Variants in B4GALNT3 observed in about 807,000 individuals in gnomAD.
B4GALNT3 encodes beta-1,4-N-acetylgalactosaminyltransferase 3.
Under a neutral mutation model 120.2 loss-of-function variants are expected in B4GALNT3, and 86 were observed. That is an observed-to-expected ratio of 0.72 (90% CI 0.60 to 0.86). B4GALNT3 has a LOEUF of 0.86. B4GALNT3 is among the 40% of genes least tolerant of loss of function. The pLI, the probability that B4GALNT3 is intolerant of heterozygous loss-of-function variation, is 0.00. For synonymous variants in B4GALNT3, 518 were observed against 510.4 expected, an observed-to-expected ratio of 1.01 and a Z score of -0.20; for missense variants, 1,167 against 1,298.9, an observed-to-expected ratio of 0.90 and a Z score of 1.56.
At chr12:537,887 G>A (rs1946877516) in intron 3 of B4GALNT3, among the ~76,000 whole-genome samples, 1 of 152,138 alleles carries the variant, frequency 6.6e-6, no homozygotes, top group Non-Finnish European at 1.5e-5. Flanking sequence ...AGGAGTGAAG[G>A]AGGCAGTATT....
chr12:550,163 G>T lies in B4GALNT3; in HGVS notation c.997+251G>T. Among the ~76,000 whole-genome samples, 1 of 152,200 alleles carries T rather than the reference G, an allele frequency of 6.6e-6. No individual in the cohort carries two copies. The highest frequency in any genetic ancestry group is 1.9e-4 in the East Asian group (1 of 5,204). On this transcript the variant is annotated intron_variant, in intron 10 of 19. Transcript: ENST00000266383. This position sits in a 1 kb window ranked among gnomAD's most constrained non-coding sequence, Gnocchi z 4.1. ...TTTGTGGAACCACCACCCACAACAAGAAATAGAGTTAGAACCCGGAAGTCC... is the reference window on the plus strand; with the variant it reads ...TTTGTGGAACCACCACCCACAACAATAAATAGAGTTAGAACCCGGAAGTCC...
intron 1 of B4GALNT3, among the ~76,000 whole-genome samples, chr12:481,283 T>C (rs215224): frequency 0.36 from 54,428 of 152,114 alleles, 10,296 homozygotes; most frequent in Middle Eastern, 0.48. Flanking sequence ...ATGGGAATAA[T>C]GGCCCTGACC....
chr12:487,662 G>A (rs940335746), intron 1 of B4GALNT3, among the ~76,000 whole-genome samples: 6 of 150,680 alleles, frequency 4.0e-5, no homozygotes, highest in Non-Finnish European at 7.4e-5. Flanking sequence ...GCAGTGAGCC[G>A]AGATCGTGCC....
At chr12:493,257 G>A (rs1419193665) in intron 1 of B4GALNT3, among the ~76,000 whole-genome samples, 1 of 152,214 alleles carries the variant, frequency 6.6e-6, no homozygotes, top group Non-Finnish European at 1.5e-5. Flanking sequence ...AATGGGCAAA[G>A]CACCTGAACA....
intron 9 of B4GALNT3, among the ~76,000 whole-genome samples, chr12:549,456 C>A (rs544366557): frequency 6.6e-6 from 1 of 152,352 alleles, no homozygotes; most frequent in African/African-American, 2.4e-5. Flanking sequence ...TGTAAGCGTT[C>A]AATAAATTAG....
intron 7 of B4GALNT3, 76 bp from the exon 8 acceptor site, chr12:547,938 TAAGGTGCTGG>T (rs1555158700): frequency 8.8e-7 from 1 of 1,130,016 alleles, no homozygotes; most frequent in Non-Finnish European, 1.3e-6. Context: ...TGAGGGAGTG[TAAGGTGCTGG>T]AAGGGGGTGG....
At chr12:488,404 A>T (rs1294340334) in intron 1 of B4GALNT3, among the ~76,000 whole-genome samples, 1 of 152,242 alleles carries the variant, frequency 6.6e-6, no homozygotes, top group East Asian at 1.9e-4. Flanking sequence ...GTAATTCTTC[A>T]TTGATCTAAC....
chr12:473,380 G>A (rs534403967), intron 1 of B4GALNT3, among the ~76,000 whole-genome samples: 79 of 152,174 alleles, frequency 5.2e-4, no homozygotes, highest in Admixed American at 3.0e-3. Context: ...TGCAGTGACC[G>A]AGAGGGTGGG....
chr12:462,539 T>A (rs1395461543), intron 1 of B4GALNT3, among the ~76,000 whole-genome samples: 1 of 151,768 alleles, frequency 6.6e-6, no homozygotes, highest in Admixed American at 6.6e-5. Context: ...GGTTTCCTTA[T>A]TTTTTATTTT....
intron 1 of B4GALNT3, among the ~76,000 whole-genome samples, chr12:477,662 G>A (rs1413874440): frequency 6.6e-6 from 1 of 152,140 alleles, no homozygotes; most frequent in Non-Finnish European, 1.5e-5. Flanking sequence ...GAAGGGATGG[G>A]AAATAATGAA....
chr12:484,945 G>T lies in B4GALNT3; in HGVS notation c.169+24400G>T, dbSNP rs569433858. On this transcript the variant is annotated intron_variant, in intron 1 of 19. Transcript: ENST00000266383. ...ATCCTGTGGTGTATGTGGGCTTCAG[G>T]AGATACAAGGAAGTGTGAACGCTGT... Among the ~76,000 whole-genome samples, 18 of 152,264 alleles carry T rather than the reference G, an allele frequency of 1.2e-4. 1 individual carries two copies. Among genetic ancestry groups the T allele is most frequent in the African/African-American group, 4.3e-4 (18 of 41,548 alleles).
Position 460,008 on chromosome 12 carries a change from A to AGGCG in B4GALNT3, c.-360_-357dup, listed in dbSNP as rs974948248. Among the ~76,000 whole-genome samples, 14 of 147,072 alleles carry AGGCG rather than the reference A, an allele frequency of 9.5e-5. No individual in the cohort carries two copies. The highest frequency in any genetic ancestry group is 6.7e-4 in the Admixed American group (10 of 14,930). On this transcript the variant is annotated 5_prime_UTR_variant, in exon 1 of 20. Coordinates refer to ENST00000266383, the MANE Select transcript of B4GALNT3 (RefSeq NM_173593.4). The surrounding 1 kb of genome is among the most constrained non-coding windows in gnomAD (Gnocchi z 8.0). ...GGCTGGCGGGGGCGCGGGCGGAGGCAGGCGGGCGGGCGCCGGGGAAGCCTC... is the reference window on the plus strand; with the variant it reads ...GGCTGGCGGGGGCGCGGGCGGAGGCAGGCGGGCGGGCGGGCGCCGGGGAAGCCTC...
At chr12:542,319 G>C (rs900608116) in intron 3 of B4GALNT3, among the ~76,000 whole-genome samples, 3 of 152,142 alleles carry the variant, frequency 2.0e-5, no homozygotes, top group Non-Finnish European at 2.9e-5. Flanking sequence ...CTGGGACCTC[G>C]GGCACTCCTG....
chr12:487,419 T>TA (rs1490011460), intron 1 of B4GALNT3, among the ~76,000 whole-genome samples: 1 of 151,956 alleles, frequency 6.6e-6, no homozygotes, highest in Non-Finnish European at 1.5e-5. Flanking sequence ...GTCAAAGATT[T>TA]AAAAAAAGTC....
intron 1 of B4GALNT3, among the ~76,000 whole-genome samples, chr12:534,388 G>A (rs911002206): frequency 1.3e-5 from 2 of 152,110 alleles, no homozygotes; most frequent in Non-Finnish European, 2.9e-5. Flanking sequence ...GTGGCCGGCC[G>A]CCGGACTGAT....
intron 3 of B4GALNT3, among the ~76,000 whole-genome samples, chr12:537,833 A>C (rs1283903981): frequency 6.6e-6 from 1 of 152,164 alleles, no homozygotes; most frequent in Non-Finnish European, 1.5e-5. Flanking sequence ...GGAGCTCTTC[A>C]GCCTGGGTGG....
intron 1 of B4GALNT3, among the ~76,000 whole-genome samples, chr12:498,051 TC>T (rs1479225422): frequency 2.0e-5 from 3 of 152,078 alleles, no homozygotes; most frequent in African/African-American, 4.8e-5. Context: ...AAACAAACCT[TC>T]CTCTACTTCT....
At chr12:521,320 T>TA (rs1946706963) in intron 1 of B4GALNT3, among the ~76,000 whole-genome samples, 1 of 152,140 alleles carries the variant, frequency 6.6e-6, no homozygotes, top group African/African-American at 2.4e-5. Flanking sequence ...CTAAGTCACT[T>TA]AGACTGTCCT....
intron 1 of B4GALNT3, among the ~76,000 whole-genome samples, chr12:488,256 G>C (rs936972808): frequency 6.6e-5 from 10 of 152,122 alleles, no homozygotes; most frequent in African/African-American, 7.2e-5. Flanking sequence ...GAGGGAATTT[G>C]TTGCCAGTAG....
Sources: gnomAD v4.1 joint callset for allele counts (sites outside exome capture counted in the v4.1 genomes callset) on GRCh38, gnomAD v4.1.1 for gene constraint, Gnocchi (gnomAD v3.1) non-coding constraint, MANE v1.5 for transcripts, NCBI Gene and HGNC (gene_info 2026-07-23, HGNC 2026-07-21) for gene names.